Variants in NAV3 observed in about 807,000 individuals in gnomAD.
NAV3 encodes the protein pore membrane and/or filament interacting like protein 1.
NAV3 carries 87 observed loss-of-function variants against 244.7 expected under a neutral mutation model. The ratio of observed to expected loss-of-function variants is 0.36; its 90% CI spans 0.30 to 0.42. NAV3 has a LOEUF of 0.42. Among genes scored for constraint, NAV3 ranks in the 20% least tolerant of loss-of-function variants. NAV3 has a pLI of 1.00. For synonymous variants in NAV3, 1,126 were observed against 1,042.2 expected (o/e 1.08, Z -1.55); for missense variants, 2,663 against 2,893.3 (o/e 0.92, Z 1.83).
At chr12:77,626,913 G>A (rs1313713556) in intron 2 of NAV3, among the ~76,000 whole-genome samples, 2 of 151,842 alleles carry the variant, frequency 1.3e-5, no homozygotes, top group East Asian at 3.9e-4. Context: ...GAAAGAGAAG[G>A]GAGTCAAAAG....
intron 12 of NAV3, among the ~76,000 whole-genome samples, chr12:78,115,110 A>G (rs61936247): frequency 8.9e-4 from 135 of 152,374 alleles, no homozygotes; most frequent in Non-Finnish European, 1.3e-3. Context: ...AGAAGAGCAG[A>G]TAAAGTATCA....
chr12:77,616,881 A>G (rs1050140628), intron 2 of NAV3, among the ~76,000 whole-genome samples: 3 of 152,174 alleles, frequency 2.0e-5, no homozygotes, highest in Non-Finnish European at 4.4e-5. Flanking sequence ...TTTATATTTT[A>G]TAATCCTAAG....
chr12:78,078,430 C>A, intron 12 of NAV3, among the ~76,000 whole-genome samples: 1 of 108,188 alleles, frequency 9.2e-6, no homozygotes. Flanking sequence ...GAGTCTCGCT[C>A]TGTCGCCCAG....
intron 7 of NAV3, 131 bp downstream of exon 7, chr12:77,998,607 C>G: frequency 1.1e-6 from 1 of 906,260 alleles, no homozygotes; most frequent in Non-Finnish European, 1.6e-6. Flanking sequence ...TTTATGTTTC[C>G]TAACTGTCCC....
intron 3 of NAV3, among the ~76,000 whole-genome samples, chr12:77,947,215 C>G (rs1890436433): frequency 6.6e-6 from 1 of 151,962 alleles, no homozygotes; most frequent in Non-Finnish European, 1.5e-5. Context: ...CTCCCAGAAT[C>G]ATTACTGTTA....
chr12:78,051,139 C>G lies in NAV3; in HGVS notation c.2508C>G (p.Ile836Met), dbSNP rs751652309. 6.2e-7 allele frequency: 1 copy of G among 1,603,406 alleles called. No individual in the cohort carries two copies. Among genetic ancestry groups the G allele is most frequent in the Non-Finnish European group, 8.5e-7 (1 of 1,171,568 alleles). The change falls in exon 11 of 40, where the codon ATC (isoleucine) becomes ATG (methionine). Residue 836 changes from isoleucine (I) to methionine (M), a missense_variant. By Grantham distance (10) the Ile-to-Met change is conservative. Around this residue, in one of 6 missense-constraint regions of NAV3, gnomAD observed 1,521 missense variants for 1,497.0 expected, o/e 1.02. Coordinates refer to ENST00000397909, the MANE Select transcript of NAV3 (RefSeq NM_001024383.2). ...GGAAAAGTCTCAGGACTGATGACAT[C>G]AACAGTGGGTAAGTAACCCTGTTCT... The part of the protein sequence containing the change: ...ILGKSLRTDD[I>M]NSGYMTDGGL...
At chr12:77,625,681 A>G (rs913595781) in intron 2 of NAV3, among the ~76,000 whole-genome samples, 2 of 152,170 alleles carry the variant, frequency 1.3e-5, no homozygotes, top group Non-Finnish European at 2.9e-5. Context: ...AACAGACACC[A>G]CTGGTGCTGA....
intron 12 of NAV3, among the ~76,000 whole-genome samples, chr12:78,069,410 A>G (rs144243922): frequency 1.5e-4 from 23 of 152,150 alleles, no homozygotes; most frequent in African/African-American, 5.3e-4. Context: ...CCCAAAGACA[A>G]CCAAGAATAT....
rs145773965 is a variant in NAV3, at chr12:77,574,468, G to A, written c.72+2202G>A. 1.6e-3 allele frequency among the ~76,000 whole-genome samples: 249 copies of A among 152,222 alleles called. 1 individual carries two copies. The highest frequency in any genetic ancestry group is 5.3e-3 in the African/African-American group (219 of 41,532). On this transcript the variant is annotated intron_variant, in intron 2 of 8. Coordinates refer to the NAV3 transcript ENST00000550042. The stretch of plus-strand genomic sequence containing the variant: ...GCCATGGCCCTGCCACCAAGTAATC[G>A]CTAATAGAGATTAGAAGGTCATTTA...
In NAV3 at chr12:77,877,197, G is replaced by A. The variant is rs12229866; in HGVS notation, c.243+45493G>A. On this transcript the variant is annotated intron_variant, in intron 1 of 39. Transcript: ENST00000397909. The stretch of plus-strand genomic sequence containing the variant: ...CAAAAATTCCATAAAAACAAAAAAA[G>A]AGAATATTTCCCATTTGTTTCTTCC... Among the ~76,000 whole-genome samples the A allele has an allele frequency of 3.7e-4, 57 of 152,130 alleles. 1 individual carries two copies. In the East Asian group the frequency reaches 0.01, roughly 28 times the overall value.
chr12:78,154,003 A>G (rs530281920), intron 22 of NAV3, among the ~76,000 whole-genome samples: 12 of 148,568 alleles, frequency 8.1e-5, no homozygotes, highest in Non-Finnish European at 1.5e-4. Context: ...ATATATATAA[A>G]GTTTATATGG....
At chr12:77,864,900 G>A (rs1841289651) in intron 1 of NAV3, among the ~76,000 whole-genome samples, 1 of 151,988 alleles carries the variant, frequency 6.6e-6, no homozygotes, top group African/African-American at 2.4e-5. Context: ...TTAATAGTCA[G>A]TAAATACCTA....
At chr12:78,059,876 T>C (rs1884072458) in intron 12 of NAV3, among the ~76,000 whole-genome samples, 1 of 152,114 alleles carries the variant, frequency 6.6e-6, no homozygotes, top group Non-Finnish European at 1.5e-5. Flanking sequence ...ATAAGCTTGA[T>C]GCTTTCCTTG....
chr12:78,188,568 A>G (rs752666269), intron 32 of NAV3, 41 bp from the exon 33 acceptor site: 5 of 1,582,862 alleles, frequency 3.2e-6, no homozygotes, highest in Non-Finnish European at 4.3e-6. Flanking sequence ...AGATGAGTTG[A>G]ACCTCTGTTT....
At position 77,940,435 on chromosome 12, in the gene NAV3, T is replaced by C; in HGVS notation, c.360T>C (p.Ile120=). ...TCCTAGCAGAAATCATCCAGATTAT[T>C]GGTAAGCCCTTCCTTCTGAAAGAAA... ...GVLLAEIIQI[I]ANEKVEDING... is the part of the protein sequence containing the mutation. Residue 120 remains isoleucine, a splice_region_variant and synonymous_variant, in exon 2 of 40, where the codon ATT becomes ATC. Coordinates refer to ENST00000397909, the MANE Select transcript of NAV3 (RefSeq NM_001024383.2). 6.2e-7 allele frequency: 1 copy of C among 1,605,272 alleles called. No individual in the cohort carries two copies. Among genetic ancestry groups the C allele is most frequent in the Non-Finnish European group, 8.5e-7 (1 of 1,172,648 alleles).
chr12:77,782,367 C>G (rs1315576925), intron 2 of NAV3, among the ~76,000 whole-genome samples: 1 of 135,138 alleles, frequency 7.4e-6, no homozygotes, highest in Non-Finnish European at 1.6e-5. Context: ...TCTTTTCTTT[C>G]TTTTGATGTA....
At chr12:77,976,569 T>C (rs1261477229) in intron 5 of NAV3, among the ~76,000 whole-genome samples, 1 of 152,096 alleles carries the variant, frequency 6.6e-6, no homozygotes. Flanking sequence ...GAGCCCTTTC[T>C]GAACCATTCT....
At chr12:77,860,352 C>T (rs1269072817) in intron 1 of NAV3, among the ~76,000 whole-genome samples, 2 of 149,878 alleles carry the variant, frequency 1.3e-5, no homozygotes, top group South Asian at 2.1e-4. Flanking sequence ...ATTTTATATG[C>T]TATATGCACA....
At chr12:77,691,333 G>GTATATA (rs1214933751) in intron 2 of NAV3, among the ~76,000 whole-genome samples, 4 of 100,942 alleles carry the variant, frequency 4.0e-5, no homozygotes, top group African/African-American at 1.5e-4. Flanking sequence ...ATTTGTGTAT[G>GTATATA]TGTGTATATA....
Sources: allele counts gnomAD v4.1 joint callset (sites outside exome capture counted in the v4.1 genomes callset), GRCh38; gene constraint gnomAD v4.1.1; regional missense constraint gnomAD v4.1.1; transcripts MANE v1.5; gene names NCBI Gene and HGNC (gene_info 2026-07-23, HGNC 2026-07-21).